The following AP1B1 variants were observed in gnomAD, a reference collection of about 807,000 sequenced individuals.
The protein encoded by AP1B1 is AP-1 complex subunit beta-1.
A neutral mutation model predicts 104.3 loss-of-function variants in AP1B1; 36 were observed. The ratio of observed to expected loss-of-function variants is 0.35; its 90% CI spans 0.26 to 0.46. The LOEUF is 0.46. Ranked by LOEUF, AP1B1 falls within the 20% of genes least tolerant of loss-of-function variation. AP1B1 has a pLI of 1.00. For missense variants in AP1B1, 901 were observed against 1,247.9 expected (o/e 0.72, Z 4.19); for synonymous variants, 504 against 517.5 (o/e 0.97, Z 0.35).
At chr22:29,365,896 C>T (rs1008809817) in intron 2 of AP1B1, among the ~76,000 whole-genome samples, 1 of 152,020 alleles carries the variant, frequency 6.6e-6, no homozygotes, top group African/African-American at 2.4e-5. Flanking sequence ...TACTACTCTA[C>T]AGACTGTCTT....
intron 1 of AP1B1, among the ~76,000 whole-genome samples, chr22:29,386,595 G>A (rs558059408): frequency 3.9e-5 from 6 of 152,116 alleles, no homozygotes; most frequent in African/African-American, 1.4e-4. Context: ...GGGAATATAA[G>A]GTGACAATAT....
At chr22:29,375,143 G>A (rs998266820) in intron 1 of AP1B1, among the ~76,000 whole-genome samples, 28 of 152,324 alleles carry the variant, frequency 1.8e-4, no homozygotes, top group Non-Finnish European at 3.4e-4. Context: ...AAGGTCAGGA[G>A]TTCGAGACCA....
At chr22:29,386,995 C>G (rs1440495672) in intron 1 of AP1B1, among the ~76,000 whole-genome samples, 2 of 152,206 alleles carry the variant, frequency 1.3e-5, no homozygotes, top group Admixed American at 1.3e-4. Flanking sequence ...AACCTAGGAC[C>G]AAAAGATCCC....
intron 1 of AP1B1, among the ~76,000 whole-genome samples, chr22:29,387,032 T>G (rs1299373181): frequency 2.0e-5 from 3 of 152,238 alleles, no homozygotes; most frequent in Admixed American, 6.5e-5. Context: ...TCCTCTCTTT[T>G]TAGACCAAAA....
At chr22:29,386,444 A>C (rs715494) in intron 1 of AP1B1, among the ~76,000 whole-genome samples, 95,908 of 152,042 alleles carry the variant, frequency 0.63, 31,660 homozygotes, top group African/African-American at 0.83. Flanking sequence ...CCTACTGAAG[A>C]TGCTCCTCAT....
chr22:29,333,793 GTCAC>G (rs1381672599), intron 17 of AP1B1, among the ~76,000 whole-genome samples: 2 of 152,174 alleles, frequency 1.3e-5, no homozygotes, highest in Non-Finnish European at 2.9e-5. Context: ...GCTGAGCACG[GTCAC>G]TCACACCTAT....
At chr22:29,329,609 G>T in intron 22 of AP1B1, 103 bp downstream of exon 22, 1 of 1,574,892 alleles carries the variant, frequency 6.3e-7, no homozygotes, top group South Asian at 1.2e-5. Flanking sequence ...GTGAGGTGAG[G>T]CCAAGAGATG....
chr22:29,383,472 A>G (rs2148060242), intron 1 of AP1B1, among the ~76,000 whole-genome samples: 1 of 152,238 alleles, frequency 6.6e-6, no homozygotes. Context: ...GCACTTTGGG[A>G]GGCTGAGGTG....
chr22:29,329,867 C>A (rs950479784), intron 21 of AP1B1, 147 bp from the exon 22 acceptor site: 2 of 1,488,048 alleles, frequency 1.3e-6, no homozygotes, highest in Non-Finnish European at 1.8e-6. Context: ...GAGGGCCATG[C>A]CTGCCAGAGA....
intron 16 of AP1B1, among the ~76,000 whole-genome samples, chr22:29,336,217 G>A (rs1178155797): frequency 6.6e-6 from 1 of 152,206 alleles, no homozygotes; most frequent in African/African-American, 2.4e-5. Flanking sequence ...AACCCCACAA[G>A]CAGGGTGTGG....
At chr22:29,343,790 G>A (rs961194001) in intron 11 of AP1B1, among the ~76,000 whole-genome samples, 9 of 152,038 alleles carry the variant, frequency 5.9e-5, no homozygotes, top group East Asian at 1.9e-4. Flanking sequence ...ACCTCACAGC[G>A]TTAATGGAGA....
chr22:29,366,784 A>G (rs1018599639), intron 2 of AP1B1, among the ~76,000 whole-genome samples: 9 of 151,062 alleles, frequency 6.0e-5, no homozygotes, highest in Admixed American at 2.0e-4. Flanking sequence ...GGGTGACATG[A>G]GTGAAACTCC....
At chr22:29,351,871 GC>G (rs765955136) in intron 7 of AP1B1, 46 bp from the exon 8 acceptor site, 1 of 1,605,376 alleles carries the variant, frequency 6.2e-7, no homozygotes, top group Non-Finnish European at 8.5e-7. Flanking sequence ...CAAGGCTTAA[GC>G]CCTGTGAGAA....
chr22:29,359,985 T>A, intron 3 of AP1B1, 26 bp from the exon 4 acceptor site: 1 of 1,605,914 alleles, frequency 6.2e-7, no homozygotes, highest in Non-Finnish European at 8.5e-7. Flanking sequence ...GGTGTCAGCA[T>A]GGGAAAGGCT....
At chr22:29,380,281 A>G (rs551498376) in intron 1 of AP1B1, among the ~76,000 whole-genome samples, 4 of 152,024 alleles carry the variant, frequency 2.6e-5, no homozygotes, top group African/African-American at 7.2e-5. Context: ...TTCTCCTTCA[A>G]CACTGTGTGC....
chr22:29,346,144 T>C (rs748126146), intron 11 of AP1B1, among the ~76,000 whole-genome samples: 23 of 152,228 alleles, frequency 1.5e-4, no homozygotes, highest in Non-Finnish European at 1.2e-4. Flanking sequence ...TGAGTTCAAG[T>C]AACTGTGCTC....
Position 29,328,757 on chromosome 22 carries a change from G to A in AP1B1, c.*64C>T. On this transcript the variant is annotated 3_prime_UTR_variant, in exon 23 of 23. Coordinates refer to ENST00000357586, the MANE Select transcript of AP1B1 (RefSeq NM_001127.4). The surrounding 1 kb of genome is among the most constrained non-coding windows in gnomAD (Gnocchi z 4.1). ...GTCCCTCCTGCGAGGAGGAAGATGT[G>A]CTGCCCCCGAGGGGCCTCCTCGATG... The A allele has an allele frequency of 3.9e-6, 6 of 1,552,822 alleles. No individual in the cohort carries two copies. Among genetic ancestry groups the A allele is most frequent in the Non-Finnish European group, 5.2e-6 (6 of 1,149,560 alleles).
chr22:29,329,279 G>A lies in AP1B1; in HGVS notation c.2776-384C>T, dbSNP rs754274389. The stretch of plus-strand genomic sequence containing the variant: ...CTGACAGAAAATCCCGAGGGGGTGC[G>A]GAGGGCTGGGAGGGAGCCTGGAGGG... On this transcript the variant is annotated intron_variant, in intron 22 of 22. Coordinates refer to ENST00000357586, the MANE Select transcript of AP1B1 (RefSeq NM_001127.4). 1.6e-5 allele frequency: 19 copies of A among 1,154,044 alleles called. 1 individual carries two copies. The highest frequency in any genetic ancestry group is 4.4e-5 in the Admixed American group (1 of 22,642). 71.5% of individuals were successfully genotyped at this position (1,154,044 alleles called of 1,614,324 possible). A position where few individuals can be genotyped will look rare whatever the true frequency, so the allele number is the denominator to read the frequency against.
intron 11 of AP1B1, among the ~76,000 whole-genome samples, chr22:29,345,892 T>C (rs2061786134): frequency 1.3e-5 from 2 of 151,754 alleles, no homozygotes; most frequent in South Asian, 2.1e-4. Context: ...ATTATGTTGG[T>C]CAGGCTGGTC....
Sources: gnomAD v4.1 joint callset for allele counts (sites outside exome capture counted in the v4.1 genomes callset) on GRCh38, gnomAD v4.1.1 for gene constraint, Gnocchi (gnomAD v3.1) non-coding constraint, MANE v1.5 for transcripts, NCBI Gene and HGNC (gene_info 2026-07-23, HGNC 2026-07-21) for gene names.